The following ZBTB20 variants were observed in gnomAD, a reference collection of about 807,000 sequenced individuals.
ZBTB20 encodes the protein zinc finger and BTB domain containing 20.
In ZBTB20, 9 loss-of-function variants were observed where a neutral mutation model predicts 56.9. The observed-to-expected ratio is 0.16, with a 90% CI of 0.10 to 0.28. The LOEUF (loss-of-function observed/expected upper bound fraction) is 0.28, where lower values mean the gene tolerates loss of function less well. Ranked by LOEUF, ZBTB20 falls within the 10% of genes least tolerant of loss-of-function variation. ZBTB20 has a pLI of 1.00. For synonymous variants in ZBTB20, 417 were observed against 420.7 expected (o/e 0.99, Z 0.11); for missense variants, 655 against 1,003.0 (o/e 0.65, Z 4.69).
intron 5 of ZBTB20, among the ~76,000 whole-genome samples, chr3:114,770,975 G>C (rs754989154): frequency 6.6e-6 from 1 of 152,114 alleles, no homozygotes; most frequent in Non-Finnish European, 1.5e-5. Flanking sequence ...TTTCGGATTA[G>C]GGATGCTCAG....
At chr3:114,387,123 G>T (rs2085236596) in intron 8 of ZBTB20, among the ~76,000 whole-genome samples, 1 of 150,280 alleles carries the variant, frequency 6.7e-6, no homozygotes, top group African/African-American at 2.5e-5. Context: ...GGTTAAGTAG[G>T]CAGGGCCACT....
At chr3:114,913,195 C>T (rs1017072039) in intron 3 of ZBTB20, among the ~76,000 whole-genome samples, 19 of 152,044 alleles carry the variant, frequency 1.2e-4, no homozygotes, top group African/African-American at 4.3e-4. Flanking sequence ...TTTACATTTC[C>T]GCCAACAGTG....
intron 1 of ZBTB20, among the ~76,000 whole-genome samples, chr3:115,082,235 A>G (rs893028711): frequency 2.0e-5 from 3 of 152,212 alleles, no homozygotes; most frequent in Non-Finnish European, 2.9e-5. Context: ...GCGGTTTATA[A>G]AAATTGAAAT....
intron 5 of ZBTB20, among the ~76,000 whole-genome samples, chr3:114,748,315 TTTCTTTCTTTCTTTCTTTC>T (rs2067236688): frequency 7.6e-6 from 1 of 131,246 alleles, no homozygotes; most frequent in African/African-American, 3.0e-5. Flanking sequence ...TCTTTCTTTC[TTTCTTTCTTTCTTTCTTTC>T]TTCTTTCTTT....
chr3:114,551,355 C>A (rs1462264612), intron 6 of ZBTB20, among the ~76,000 whole-genome samples: 1 of 152,146 alleles, frequency 6.6e-6, no homozygotes, highest in Non-Finnish European at 1.5e-5. Context: ...AGAGTTCATA[C>A]CTAGCAGAGG....
At chr3:114,933,252 T>C (rs1345226864) in intron 3 of ZBTB20, among the ~76,000 whole-genome samples, 1 of 152,162 alleles carries the variant, frequency 6.6e-6, no homozygotes, top group Non-Finnish European at 1.5e-5. Context: ...GGTAGTTTGT[T>C]ACACAGCCAT....
intron 4 of ZBTB20, among the ~76,000 whole-genome samples, chr3:114,879,440 CTA>C (rs1462361869): frequency 6.6e-6 from 1 of 152,064 alleles, no homozygotes; most frequent in Non-Finnish European, 1.5e-5. Context: ...TCAGTAGTGA[CTA>C]AAATCTAGTC....
chr3:114,409,126 T>TA (rs1491495848), intron 7 of ZBTB20, among the ~76,000 whole-genome samples: 1 of 21,212 alleles, frequency 4.7e-5, no homozygotes, highest in African/African-American at 4.7e-4. Context: ...AAGGGAAGAC[T>TA]TTTTTTTTTT....
In ZBTB20 at chr3:114,881,122, A is replaced by T. The variant is rs115755808; in HGVS notation, c.-417+19182T>A. ...ATTTACTTCTCTCCTTGTCAACTAC[A>T]GATGTAAATATAATAGATGTTAAAC... On this transcript the variant is annotated intron_variant, in intron 4 of 11. Transcript: ENST00000675478. Among the ~76,000 whole-genome samples the T allele has an allele frequency of 4.1e-3, 631 of 152,228 alleles. 3 individuals carry two copies. The highest frequency in any genetic ancestry group is 7.3e-3 in the Non-Finnish European group (499 of 67,926).
chr3:114,787,362 T>TACAC (rs1165510633), intron 5 of ZBTB20, among the ~76,000 whole-genome samples: 8 of 71,402 alleles, frequency 1.1e-4, no homozygotes, highest in African/African-American at 2.5e-4. Context: ...TATATATATA[T>TACAC]ATATATACAC....
At chr3:114,799,140 A>G (rs1386866618) in intron 5 of ZBTB20, among the ~76,000 whole-genome samples, 1 of 151,882 alleles carries the variant, frequency 6.6e-6, no homozygotes, top group Admixed American at 6.6e-5. Flanking sequence ...TCTTGACCCA[A>G]TACTTATTGT....
At chr3:114,659,121 C>T (rs187670539) in intron 6 of ZBTB20, among the ~76,000 whole-genome samples, 73 of 152,232 alleles carry the variant, frequency 4.8e-4, no homozygotes, top group Non-Finnish European at 2.2e-4. Context: ...ACAGACTATT[C>T]GCTTCAAGAA....
At chr3:115,109,418 C>G (rs1055748250) in intron 1 of ZBTB20, among the ~76,000 whole-genome samples, 1 of 152,122 alleles carries the variant, frequency 6.6e-6, no homozygotes, top group African/African-American at 2.4e-5. Flanking sequence ...TTCCAAAATA[C>G]AAAAGTTGCT....
chr3:114,719,487 C>T (rs1165405954), intron 5 of ZBTB20, among the ~76,000 whole-genome samples: 4 of 152,092 alleles, frequency 2.6e-5, no homozygotes, highest in African/African-American at 9.7e-5. Context: ...GAAGGCTGCT[C>T]TGCCTGTCCT....
At chr3:114,602,168 G>T (rs962964369) in intron 6 of ZBTB20, among the ~76,000 whole-genome samples, 1 of 151,916 alleles carries the variant, frequency 6.6e-6, no homozygotes, top group Non-Finnish European at 1.5e-5. Context: ...ACTAGCATTG[G>T]CCCTTCATTC....
chr3:115,075,647 G>A (rs1330800766), intron 1 of ZBTB20, among the ~76,000 whole-genome samples: 1 of 152,054 alleles, frequency 6.6e-6, no homozygotes, highest in African/African-American at 2.4e-5. Flanking sequence ...AACATGATAA[G>A]CACATATATG....
intron 7 of ZBTB20, among the ~76,000 whole-genome samples, chr3:114,406,995 C>T (rs1201456714): frequency 6.6e-6 from 1 of 151,842 alleles, no homozygotes; most frequent in African/African-American, 2.4e-5. Context: ...ATTCATTGTT[C>T]CTGTTTTACA....
rs905017551 is a variant in ZBTB20, at chr3:114,985,603, G to C, written c.-506-11187C>G. On this transcript the variant is annotated intron_variant, in intron 2 of 11. Coordinates refer to ENST00000675478, the MANE Select transcript of ZBTB20 (RefSeq NM_001348800.3). The stretch of plus-strand genomic sequence containing the variant: ...CAAAAACAATTGAATGGAACTGAAT[G>C]AAAGTAGTTACAACGACACATACCC... Among the ~76,000 whole-genome samples the C allele has an allele frequency of 2.0e-5, 3 of 152,028 alleles. No homozygotes were observed. In the East Asian group the frequency reaches 5.8e-4, roughly 29 times the overall value.
intron 4 of ZBTB20, among the ~76,000 whole-genome samples, chr3:114,804,305 T>C (rs2071939256): frequency 1.3e-5 from 2 of 152,022 alleles, no homozygotes; most frequent in South Asian, 4.1e-4. Context: ...GGGCTGCTTC[T>C]GACCACATTC....
Sources: gnomAD v4.1 joint callset for allele counts (sites outside exome capture counted in the v4.1 genomes callset) on GRCh38, gnomAD v4.1.1 for gene constraint, MANE v1.5 for transcripts, NCBI Gene and HGNC (gene_info 2026-07-23, HGNC 2026-07-21) for gene names.